DEFB104A: variants seen among roughly 807,000 people sequenced by gnomAD.
DEFB104A encodes the protein defensin beta 104A.
intron 1 of DEFB104A, among the ~76,000 whole-genome samples, chr8:7,838,635 G>T (rs76117047): frequency 6.9e-6 from 1 of 145,822 alleles, no homozygotes; most frequent in Non-Finnish European, 1.5e-5. Flanking sequence ...AGCTGAGATC[G>T]TGCCATTGCA....
intron 1 of DEFB104A, among the ~76,000 whole-genome samples, 200 bp downstream of exon 1, chr8:7,836,742 G>A (rs1228015706): frequency 3.4e-5 from 5 of 146,120 alleles, no homozygotes; most frequent in South Asian, 2.3e-4. Context: ...CAGCCACGAG[G>A]CTTACTAGCT....
Position 7,838,634 on chromosome 8 carries a change from C to G in DEFB104A, c.58+2092C>G, listed in dbSNP as rs879430184. Among the ~76,000 whole-genome samples the G allele has an allele frequency of 1.1e-4, 16 of 145,538 alleles. No individual in the cohort carries two copies. In the East Asian group the frequency reaches 3.2e-3, roughly 29 times the overall value. Reference sequence around the variant, plus strand: ...GGTGGAGGTTGCAGTGAGCTGAGATCGTGCCATTGCACTCTACCCTAGGCG... The same window carrying G: ...GGTGGAGGTTGCAGTGAGCTGAGATGGTGCCATTGCACTCTACCCTAGGCG... On this transcript the variant is annotated intron_variant, in intron 1 of 1. Transcript: ENST00000314265.
intron 1 of DEFB104A, among the ~76,000 whole-genome samples, chr8:7,839,337 A>T (rs1318544726): frequency 1.7e-4 from 25 of 145,394 alleles, no homozygotes; most frequent in Non-Finnish European, 3.4e-4. Context: ...CCTGCCACAG[A>T]TATGTCAGAA....
rs1199547102 is a variant in DEFB104A at position 7,838,673 on chromosome 8, C to T, written c.58+2131C>T. On this transcript the variant is annotated intron_variant, in intron 1 of 1. Coordinates refer to ENST00000314265, the MANE Select transcript of DEFB104A (RefSeq NM_080389.3). ...CTACCCTAGGCGACAGAGCAAGACT[C>T]TGTCTCAAAAAAAACCAAAAAAACA... Among the ~76,000 whole-genome samples the T allele has an allele frequency of 3.7e-5, 5 of 135,422 alleles. No individual in the cohort carries two copies. The East Asian group carries it at 1.0e-3, about 28-fold the overall frequency. 88.8% of individuals were successfully genotyped at this position (135,422 alleles called of 152,430 possible).
intron 1 of DEFB104A, among the ~76,000 whole-genome samples, chr8:7,837,059 C>T (rs1464919415): frequency 7.1e-6 from 1 of 141,824 alleles, no homozygotes; most frequent in East Asian, 2.4e-4. Flanking sequence ...TTTCAGTAGG[C>T]AAGAACGTAA....
chr8:7,837,622 C>A (rs561555847), intron 1 of DEFB104A, among the ~76,000 whole-genome samples: 1,794 of 142,692 alleles, frequency 0.013, 62 homozygotes, highest in African/African-American at 0.042. Context: ...TTTCTTCAAC[C>A]TTTGATCCCA....
At chr8:7,839,012 C>T (rs1431985091) in intron 1 of DEFB104A, among the ~76,000 whole-genome samples, 4 of 142,820 alleles carry the variant, frequency 2.8e-5, no homozygotes, top group African/African-American at 5.0e-5. Context: ...ATTACTCAGC[C>T]TTAGTGTATG....
intron 1 of DEFB104A, among the ~76,000 whole-genome samples, chr8:7,836,900 T>C (rs1270313467): frequency 1.4e-5 from 2 of 142,164 alleles, no homozygotes; most frequent in African/African-American, 2.6e-5. Flanking sequence ...CAATTATTCA[T>C]TGTTGATTTT....
At chr8:7,839,286 C>A (rs1480511141) in intron 1 of DEFB104A, among the ~76,000 whole-genome samples, 1 of 144,630 alleles carries the variant, frequency 6.9e-6, no homozygotes, top group Non-Finnish European at 1.6e-5. Flanking sequence ...AGCAAGCATG[C>A]TGTCCTCTTT....
At chr8:7,839,967 G>T (rs1201341247) in intron 1 of DEFB104A, among the ~76,000 whole-genome samples, 1 of 151,666 alleles carries the variant, frequency 6.6e-6, no homozygotes, top group African/African-American at 2.4e-5. Flanking sequence ...ATCTCTGTAA[G>T]ATCCTATCAG....
At chr8:7,838,689 C>CA (rs1341737440) in intron 1 of DEFB104A, among the ~76,000 whole-genome samples, 2 of 13,328 alleles carry the variant, frequency 1.5e-4, no homozygotes, top group Non-Finnish European at 3.3e-4. Context: ...CAAAAAAAAC[C>CA]AAAAAAACAA....
chr8:7,837,405 C>T (rs1484608708), intron 1 of DEFB104A, among the ~76,000 whole-genome samples: 1 of 142,552 alleles, frequency 7.0e-6, no homozygotes, highest in African/African-American at 2.6e-5. Flanking sequence ...TTGACAGACA[C>T]CCAGCACCCA....
intron 1 of DEFB104A, among the ~76,000 whole-genome samples, chr8:7,837,393 C>G (rs1389023536): frequency 1.4e-5 from 2 of 142,204 alleles, no homozygotes; most frequent in African/African-American, 5.2e-5. Flanking sequence ...TTTTATGGGG[C>G]TTTGACAGAC....
At chr8:7,837,707 T>C (rs1466272913) in intron 1 of DEFB104A, among the ~76,000 whole-genome samples, 2 of 142,708 alleles carry the variant, frequency 1.4e-5, no homozygotes, top group Non-Finnish European at 3.0e-5. Flanking sequence ...CAGAGCTGGC[T>C]GCCATTATCC....
intron 1 of DEFB104A, among the ~76,000 whole-genome samples, chr8:7,839,152 T>C (rs1178804609): frequency 3.4e-5 from 5 of 145,508 alleles, no homozygotes; most frequent in African/African-American, 1.2e-4. Flanking sequence ...TGAGCCTTCA[T>C]TCCCATCTCT....
intron 1 of DEFB104A, among the ~76,000 whole-genome samples, chr8:7,837,371 C>G (rs1289604032): frequency 7.1e-6 from 1 of 141,102 alleles, no homozygotes; most frequent in Non-Finnish European, 1.5e-5. Context: ...CTCTTCCAAG[C>G]TGCTCAGTCA....
intron 1 of DEFB104A, 135 bp downstream of exon 1, chr8:7,836,677 T>C: frequency 2.5e-6 from 3 of 1,181,098 alleles, no homozygotes; most frequent in Non-Finnish European, 3.6e-6. Context: ...TTCTCTTTGC[T>C]TTCATTGGGT....
intron 1 of DEFB104A, among the ~76,000 whole-genome samples, chr8:7,838,588 G>A (rs1817693561): frequency 6.9e-6 from 1 of 145,722 alleles, no homozygotes; most frequent in Non-Finnish European, 1.5e-5. Context: ...GCGGAGGCAG[G>A]AGAATCGCTT....
chr8:7,839,380 C>G (rs1373738194), intron 1 of DEFB104A, among the ~76,000 whole-genome samples: 3 of 144,740 alleles, frequency 2.1e-5, no homozygotes, highest in African/African-American at 7.4e-5. Context: ...TCCACATACT[C>G]CCTCAGCATG....
Sources: allele counts gnomAD v4.1 joint callset (sites outside exome capture counted in the v4.1 genomes callset), GRCh38; gene constraint gnomAD v4.1.1; transcripts MANE v1.5; gene names NCBI Gene and HGNC (gene_info 2026-07-23, HGNC 2026-07-21).